Variants in NTN1 observed in about 807,000 individuals in gnomAD.
The protein encoded by NTN1 is netrin 1, also known as netrin-1.
NTN1 carries 11 observed loss-of-function variants against 54.2 expected under a neutral mutation model. That is an observed-to-expected ratio of 0.20 (90% CI 0.13 to 0.34). The LOEUF is 0.34. Among genes scored for constraint, NTN1 ranks in the 10% least tolerant of loss-of-function variants. The probability of loss-of-function intolerance (pLI) is 1.00; values close to 1 mark genes in which losing one functional copy is unlikely to be tolerated. For synonymous variants in NTN1, 371 were observed against 382.0 expected, an observed-to-expected ratio of 0.97 and a Z score of 0.33; for missense variants, 740 against 893.1, an observed-to-expected ratio of 0.83 and a Z score of 2.18.
intron 2 of NTN1, among the ~76,000 whole-genome samples, chr17:9,104,604 C>G (rs1291645556): frequency 6.6e-6 from 1 of 152,160 alleles, no homozygotes; most frequent in Non-Finnish European, 1.5e-5. Context: ...CCCTGCTGGG[C>G]ACAAGGCTGA....
At chr17:9,162,716 A>AGG in intron 2 of NTN1, 97 bp from the exon 3 acceptor site, 1 of 1,139,620 alleles carries the variant, frequency 8.8e-7, no homozygotes, top group Non-Finnish European at 1.3e-6. Context: ...CTAGTGGAGA[A>AGG]GGGAGGAGTT....
intron 5 of NTN1, among the ~76,000 whole-genome samples, chr17:9,192,953 G>A (rs1904502229): frequency 1.3e-5 from 2 of 151,906 alleles, no homozygotes; most frequent in East Asian, 1.9e-4. Context: ...GGTGGCACGC[G>A]CCTGTAGTCC....
At chr17:9,189,612 A>G (rs1904397462) in intron 5 of NTN1, among the ~76,000 whole-genome samples, 1 of 152,140 alleles carries the variant, frequency 6.6e-6, no homozygotes, top group Admixed American at 6.5e-5. Flanking sequence ...AGCCTCTCAA[A>G]GTGCTGGGAT....
chr17:9,071,720 G>A (rs376975580), intron 2 of NTN1, among the ~76,000 whole-genome samples: 1 of 152,318 alleles, frequency 6.6e-6, no homozygotes, highest in African/African-American at 2.4e-5. Flanking sequence ...GGGGTGATGA[G>A]CTTGTCAAGT....
chr17:9,046,985 A>G (rs2091943281), intron 2 of NTN1, among the ~76,000 whole-genome samples: 3 of 152,250 alleles, frequency 2.0e-5, no homozygotes, highest in Non-Finnish European at 4.4e-5. Flanking sequence ...CCCAGTGCAT[A>G]TAAAAGTTAT....
chr17:9,009,295 G>A, the NTN1 span, among the ~76,000 whole-genome samples: 7 of 152,142 alleles, frequency 4.6e-5, no homozygotes, highest in Non-Finnish European at 7.4e-5. Context: ...CCTGCAAGCA[G>A]ACCTGGAAAC....
At chr17:9,092,566 A>G (rs1181065661) in intron 2 of NTN1, among the ~76,000 whole-genome samples, 1 of 152,008 alleles carries the variant, frequency 6.6e-6, no homozygotes, top group Non-Finnish European at 1.5e-5. Flanking sequence ...TTGGGATTAC[A>G]GGTGTGAGCC....
intron 2 of NTN1, among the ~76,000 whole-genome samples, chr17:9,161,605 C>T (rs567611092): frequency 6.6e-6 from 1 of 152,162 alleles, no homozygotes; most frequent in South Asian, 2.1e-4. Context: ...TGGTGAAACC[C>T]CATCTCTACT....
the NTN1 span, among the ~76,000 whole-genome samples, chr17:9,012,379 C>T: frequency 5.9e-5 from 9 of 152,020 alleles, no homozygotes; most frequent in African/African-American, 1.9e-4. Flanking sequence ...GGCGTGGTGG[C>T]GGATGCCTGT....
chr17:9,129,427 C>T (rs1039701172), intron 2 of NTN1, among the ~76,000 whole-genome samples: 2 of 152,208 alleles, frequency 1.3e-5, no homozygotes. Flanking sequence ...TGCCTCTGCT[C>T]ACTGGTCCTT....
chr17:9,010,493 A>G, the NTN1 span, among the ~76,000 whole-genome samples: 1 of 152,212 alleles, frequency 6.6e-6, no homozygotes, highest in Non-Finnish European at 1.5e-5. Context: ...AACCCAAAGG[A>G]AGACTTCATG....
intron 2 of NTN1, among the ~76,000 whole-genome samples, chr17:9,041,259 G>A (rs367757504): frequency 2.0e-5 from 3 of 151,988 alleles, no homozygotes; most frequent in East Asian, 3.9e-4. Context: ...TAGTATGTTC[G>A]TCGATTGGTA....
chr17:9,083,838 G>A (rs538808270), intron 2 of NTN1, among the ~76,000 whole-genome samples: 90 of 152,294 alleles, frequency 5.9e-4, no homozygotes, highest in Admixed American at 1.8e-3. Flanking sequence ...ATTTTGGGTC[G>A]AGTTTTCTGT....
chr17:9,056,078 CAG>C (rs1212426769), intron 2 of NTN1, among the ~76,000 whole-genome samples: 3 of 149,346 alleles, frequency 2.0e-5, no homozygotes, highest in Non-Finnish European at 4.5e-5. Context: ...TTTTTTTTGA[CAG>C]AGTTTCCCTC....
intron 2 of NTN1, among the ~76,000 whole-genome samples, chr17:9,118,258 G>A (rs1302897790): frequency 5.3e-5 from 8 of 152,154 alleles, no homozygotes; most frequent in Non-Finnish European, 2.9e-5. Flanking sequence ...GGTGGCTCAC[G>A]CCTGTAATCC....
the NTN1 span, among the ~76,000 whole-genome samples, chr17:9,004,824 T>C: frequency 6.6e-6 from 1 of 152,206 alleles, no homozygotes. Flanking sequence ...GAAAGAGCTG[T>C]GGCTCTATGG....
At chr17:9,075,533 A>G (rs997033639) in intron 2 of NTN1, among the ~76,000 whole-genome samples, 3 of 152,146 alleles carry the variant, frequency 2.0e-5, no homozygotes, top group African/African-American at 7.2e-5. Flanking sequence ...AAAAAACTTA[A>G]ATAAAACGGG....
chr17:9,028,744 A>G (rs1410385978), intron 2 of NTN1, among the ~76,000 whole-genome samples: 3 of 152,274 alleles, frequency 2.0e-5, no homozygotes, highest in South Asian at 2.1e-4. Context: ...TTAAACCAAC[A>G]TTGTATTCTT....
intron 2 of NTN1, among the ~76,000 whole-genome samples, chr17:9,080,839 T>C (rs1257603632): frequency 1.3e-5 from 2 of 152,218 alleles, no homozygotes; most frequent in Non-Finnish European, 2.9e-5. Context: ...TAGCTGATCA[T>C]GTGGAGGTTC....
Sources: allele counts gnomAD v4.1 joint callset (sites outside exome capture counted in the v4.1 genomes callset), GRCh38; gene constraint gnomAD v4.1.1; transcripts MANE v1.5; gene names NCBI Gene and HGNC (gene_info 2026-07-23, HGNC 2026-07-21).